The following PPAN variants were observed in gnomAD, a reference collection of about 807,000 sequenced individuals.
PPAN encodes the protein peter pan homolog, also known as suppressor of SWI4 1 homolog.
A neutral mutation model predicts 48.5 loss-of-function variants in PPAN; 39 were observed. That is an observed-to-expected ratio of 0.80 (90% CI 0.62 to 1.05). The LOEUF (loss-of-function observed/expected upper bound fraction) is 1.05. PPAN is among the 50% of genes least tolerant of loss of function. PPAN has a pLI of 0.00. For missense variants in PPAN, 736 were observed against 661.7 expected (o/e 1.11, Z -1.23); for synonymous variants, 315 against 268.6 (o/e 1.17, Z -1.69).
chr19:10,109,481 C>T (rs968799895), intron 5 of PPAN, 150 bp from the exon 6 acceptor site: 9 of 950,060 alleles, frequency 9.5e-6, no homozygotes, highest in African/African-American at 5.0e-5. Context: ...ACTTCAGCCT[C>T]TGGAGTAGCT....
At position 10,109,670 on chromosome 19, in the gene PPAN, T is replaced by A; in HGVS notation, c.553T>A (p.Tyr185Asn). ...NTIKRCLLID[Y>N]NPDSQELDFR... ...CATCAAGCGCTGCCTCCTCATCGAC[T>A]ACAACCCCGACTCCCAGGAGCTGGA... The change falls in exon 6 of 12, where the codon TAC (tyrosine) becomes AAC (asparagine). Residue 185 changes from tyrosine (Y) to asparagine (N), a missense_variant. Transcript: ENST00000253107. 5 of 1,613,946 alleles carry A rather than the reference T, an allele frequency of 3.1e-6. No homozygotes were observed. The highest frequency in any genetic ancestry group is 4.2e-6 in the Non-Finnish European group (5 of 1,179,944).
At chr19:10,106,711 G>T in intron 2 of PPAN, 40 bp downstream of exon 2, 2 of 1,499,106 alleles carry the variant, frequency 1.3e-6, no homozygotes. Flanking sequence ...CCCACCCTCG[G>T]CCTAGTCTTC....
chr19:10,108,417 A>G (rs2088917364), intron 5 of PPAN, among the ~76,000 whole-genome samples: 1 of 152,150 alleles, frequency 6.6e-6, no homozygotes, highest in Admixed American at 6.5e-5. Context: ...TGGGCTGAGC[A>G]GGATCGTAGC....
Position 10,110,177 on chromosome 19 carries a change from A to G in PPAN, c.753A>G (p.Thr251=). The G allele has an allele frequency of 6.2e-7, 1 of 1,610,708 alleles. No homozygotes were observed. Among genetic ancestry groups the G allele is most frequent in the Non-Finnish European group, 8.5e-7 (1 of 1,179,916 alleles). ...EAEPDGDHNI[T]ELPQAVAGRG... The stretch of plus-strand genomic sequence containing the variant: ...AGCCTGACGGCGACCACAACATCAC[A>G]GAGCTGCCTCAGGCTGTCGCTGGCC... Residue 251 remains threonine (T), a synonymous_variant, in exon 8 of 12, where the codon ACA becomes ACG. Coordinates refer to ENST00000253107, the MANE Select transcript of PPAN (RefSeq NM_020230.7). This position sits in a 1 kb window ranked among gnomAD's most constrained non-coding sequence, Gnocchi z 5.9.
chr19:10,109,868 C>T (rs765719925), intron 6 of PPAN, 45 bp from the exon 7 acceptor site: 10 of 1,608,460 alleles, frequency 6.2e-6, no homozygotes, highest in African/African-American at 2.7e-5. Context: ...AGCCCCATCA[C>T]GTGCCCCCTG....
rs760599681 is a variant in PPAN, at chr19:10,108,144, G to T, written c.513+10G>T. The stretch of plus-strand genomic sequence containing the variant: ...CATCAACGTGCACAAGGTGGGTCTG[G>T]CCTGGCGAGGTGGCAGGTATGGGGG... On this transcript the variant is annotated intron_variant, in intron 5 of 11. Transcript: ENST00000253107. The T allele has an allele frequency of 6.2e-7, 1 of 1,602,400 alleles. No individual in the cohort carries two copies. Among genetic ancestry groups the T allele is most frequent in the African/African-American group, 1.3e-5 (1 of 74,794 alleles).
At position 10,107,508 on chromosome 19, in the gene PPAN, C is replaced by T. The variant is rs1396958628; in HGVS notation, c.193C>T (p.Arg65Cys). The change falls in exon 3 of 12, where the codon CGT becomes TGT. Residue 65 changes from arginine to cysteine, a missense_variant. By Grantham distance (180) the Arg-to-Cys change is radical. Transcript: ENST00000253107. ...TTTTTCTTTTTGTCATTTCCAGGTT[C>T]GTAAGAAGAACTCGCTGAAGGACTG... Reference protein sequence around the residue: ...EPLTASRLQVRKKNSLKDCVA... With the variant: ...EPLTASRLQVCKKNSLKDCVA... 6 of 1,613,688 alleles carry T rather than the reference C, an allele frequency of 3.7e-6. No individual in the cohort carries two copies. The highest frequency in any genetic ancestry group is 2.2e-5 in the South Asian group (2 of 91,052).
chr19:10,109,471 A>G (rs2088963150), intron 5 of PPAN, among the ~76,000 whole-genome samples, 160 bp from the exon 6 acceptor site: 1 of 152,016 alleles, frequency 6.6e-6, no homozygotes. Context: ...CAGTCCCACC[A>G]CTTCAGCCTC....
Position 10,107,827 on chromosome 19 carries a change from C to G in PPAN, c.315C>G (p.Gly105=), listed in dbSNP as rs2145200278. The change falls in exon 4 of 12, where the codon GGC becomes GGG. Residue 105 remains glycine (G), a synonymous_variant. Transcript: ENST00000253107. ...AGAAGCTGATGCGCCTCCCAGGAGGCCCCACCTTGACCTTCCAGGTCAAGA... is the reference window on the plus strand; with the variant it reads ...AGAAGCTGATGCGCCTCCCAGGAGGGCCCACCTTGACCTTCCAGGTCAAGA... ...VYFKLMRLPG[G]PTLTFQVKKY... is the part of the protein sequence containing the mutation. The G allele has an allele frequency of 6.2e-7, 1 of 1,613,708 alleles. No individual in the cohort carries two copies.
chr19:10,109,835 G>A (rs1462597866), intron 6 of PPAN, 78 bp from the exon 7 acceptor site: 1 of 1,598,638 alleles, frequency 6.3e-7, no homozygotes, highest in Non-Finnish European at 8.6e-7. Context: ...ACGCACTGTG[G>A]GAAGGGTGAG....
Position 10,111,121 on chromosome 19 carries a change from G to A in PPAN, c.1378G>A (p.Gly460Arg), listed in dbSNP as rs1254839635. ...RGPRGASRDG[G>R]RGRGRGRPGK... is the part of the protein sequence containing the mutation. ...GCCCAGAGGGGCTTCCCGGGATGGT[G>A]GGCGAGGCCGGGGCCGGGGCCGCCC... The change falls in exon 12 of 12, where the codon GGG (glycine) becomes AGG (arginine). Residue 460 changes from glycine to arginine, a missense_variant. Transcript: ENST00000253107. 1 of 1,608,578 alleles carries A rather than the reference G, an allele frequency of 6.2e-7. No homozygotes were observed. Among genetic ancestry groups the A allele is most frequent in the South Asian group, 1.1e-5 (1 of 90,662 alleles).
chr19:10,109,807 T>A (rs946336310), intron 6 of PPAN, 100 bp downstream of exon 6: 3 of 1,591,452 alleles, frequency 1.9e-6, no homozygotes, highest in Non-Finnish European at 2.6e-6. Context: ...GATTGCTCTG[T>A]CCAAAGTAAA....
At position 10,106,480 on chromosome 19, in the gene PPAN, CT is replaced by C; in HGVS notation, c.19-18del. The C allele has an allele frequency of 6.5e-7, 1 of 1,549,598 alleles. No homozygotes were observed. The highest frequency in any genetic ancestry group is 2.0e-5 in the Admixed American group (1 of 50,944). Reference sequence around the variant, plus strand: ...CCCGGCCGAGGTCGCGGCGCTGACCCTTTGTCTCTCGTCGCCGCAGTCCCGG... The same window carrying C: ...CCCGGCCGAGGTCGCGGCGCTGACCCTTGTCTCTCGTCGCCGCAGTCCCGG... On this transcript the variant is annotated intron_variant, in intron 1 of 11. Coordinates refer to ENST00000253107, the MANE Select transcript of PPAN (RefSeq NM_020230.7).
At chr19:10,108,610 G>A (rs964466523) in intron 5 of PPAN, among the ~76,000 whole-genome samples, 7 of 152,024 alleles carry the variant, frequency 4.6e-5, no homozygotes, top group African/African-American at 1.7e-4. Context: ...TAAAAAGCCC[G>A]GTGTGGCGGT....
Position 10,111,657 on chromosome 19 carries a change from C to T in PPAN, c.*492C>T. On this transcript the variant is annotated 3_prime_UTR_variant, in exon 12 of 12. Transcript: ENST00000253107. ...GGCTGGGGCAGGGCCCACTAAGCCA[C>T]TGGTGACTGGGGGAGGGGCTGGGGA... 1 of 1,608,740 alleles carries T rather than the reference C, an allele frequency of 6.2e-7. No individual in the cohort carries two copies. The highest frequency in any genetic ancestry group is 2.2e-5 in the East Asian group (1 of 44,850).
intron 6 of PPAN, 91 bp from the exon 7 acceptor site, chr19:10,109,822 C>T (rs2088981491): frequency 6.3e-7 from 1 of 1,593,860 alleles, no homozygotes; most frequent in Admixed American, 1.7e-5. Context: ...AGTAAACGCC[C>T]TGACGCACTG....
At position 10,107,578 on chromosome 19, in the gene PPAN, T is replaced by A. The variant is rs2088874324; in HGVS notation, c.263T>A (p.Leu88Gln). Reference sequence around the variant, plus strand: ...CTCGGGGTCACACACTTTCTGATCCTGAGCAAAACAGAGACCAATGTCTAC... The same window carrying A: ...CTCGGGGTCACACACTTTCTGATCCAGAGCAAAACAGAGACCAATGTCTAC... ...GPLGVTHFLILSKTETNVYFK... is the reference protein window; with the variant it reads ...GPLGVTHFLIQSKTETNVYFK... The change falls in exon 3 of 12, where the codon CTG becomes CAG. Residue 88 changes from leucine to glutamine, a missense_variant. By Grantham distance (113) the Leu-to-Gln change is moderately radical. Transcript: ENST00000253107. The A allele has an allele frequency of 6.2e-7, 1 of 1,614,198 alleles. No individual in the cohort carries two copies. Among genetic ancestry groups the A allele is most frequent in the Non-Finnish European group, 8.5e-7 (1 of 1,180,042 alleles).
In PPAN at chr19:10,106,407, G is replaced by C; in HGVS notation, c.13G>C (p.Gly5Arg). 1 of 1,549,360 alleles carries C rather than the reference G, an allele frequency of 6.5e-7. No homozygotes were observed. The highest frequency in any genetic ancestry group is 8.7e-7 in the Non-Finnish European group (1 of 1,145,618). MGQS[G>R]RSRHQKRARA... The stretch of plus-strand genomic sequence containing the variant: ...AGGACACAGCAGCATGGGACAGTCA[G>C]GGAGGGTAAGGCCCGGCAGCTTGGG... Residue 5 changes from glycine (G) to arginine (R), a missense_variant, in exon 1 of 12, where the codon GGG becomes CGG. Gly to Arg is a moderately radical substitution (Grantham distance 125). Coordinates refer to ENST00000253107, the MANE Select transcript of PPAN (RefSeq NM_020230.7).
chr19:10,106,745 T>C, intron 2 of PPAN, 74 bp downstream of exon 2: 1 of 1,462,090 alleles, frequency 6.8e-7, no homozygotes, highest in South Asian at 1.4e-5. Context: ...TGGCTCCCGC[T>C]GTAAAACTGT....
Sources: allele counts gnomAD v4.1 joint callset (sites outside exome capture counted in the v4.1 genomes callset), GRCh38; gene constraint gnomAD v4.1.1; non-coding constraint Gnocchi (gnomAD v3.1); transcripts MANE v1.5; gene names NCBI Gene and HGNC (gene_info 2026-07-23, HGNC 2026-07-21).